CSMD1: variants seen among roughly 807,000 people sequenced by gnomAD.
CSMD1 encodes CUB and sushi domain-containing protein 1.
CSMD1 carries 213 observed loss-of-function variants against 417.5 expected under a neutral mutation model. That is an observed-to-expected ratio of 0.51 (90% CI 0.46 to 0.57). The LOEUF (loss-of-function observed/expected upper bound fraction) is 0.57. Ranked by LOEUF, CSMD1 falls within the 20% of genes least tolerant of loss-of-function variation. The pLI is 0.00. For synonymous variants in CSMD1, 2,862 were observed against 1,736.8 expected (o/e 1.65, Z -16.11); for missense variants, 6,923 against 4,529.7 (o/e 1.53, Z -15.17).
intron 3 of CSMD1, among the ~76,000 whole-genome samples, chr8:4,296,652 G>A (rs1396256258): frequency 6.8e-6 from 1 of 147,624 alleles, no homozygotes; most frequent in Non-Finnish European, 1.5e-5. Context: ...TAACTCGTAT[G>A]TGGAGGTCCC....
At chr8:4,031,838 TAA>T in intron 4 of CSMD1, 65 bp downstream of exon 4, 2 of 1,251,612 alleles carry the variant, frequency 1.6e-6, no homozygotes, top group Non-Finnish European at 2.2e-6. Context: ...GAAACTTTCA[TAA>T]AAGCATCTCC....
rs34337712 is a variant in CSMD1 at position 2,951,208 on chromosome 8, T to G, written c.10107A>C (p.Gln3369His). 1.2e-4 allele frequency: 194 copies of G among 1,606,616 alleles called. No individual in the cohort carries two copies. The Middle Eastern group carries it at 0.032, about 262-fold the overall frequency. ...KGYYEYLGKR[Q>H]PATLTVDWFN... ...ACCAGTCAACAGTTAGAGTGGCGGG[T>G]TGTCTTTTCCCTAAATATTCATAAT... Residue 3369 changes from glutamine to histidine, a missense_variant, in exon 66 of 70, where the codon CAA becomes CAC. Coordinates refer to ENST00000635120, the MANE Select transcript of CSMD1 (RefSeq NM_033225.6).
At chr8:3,298,978 C>G (rs17079800) in intron 25 of CSMD1, among the ~76,000 whole-genome samples, 5,719 of 152,174 alleles carry the variant, frequency 0.038, 225 homozygotes, top group Admixed American at 0.11. Context: ...CACAGAAAAA[C>G]AAACATGCAC....
Position 4,449,421 on chromosome 8 carries a change from TAGA to T in CSMD1, c.303-29359_303-29357del, listed in dbSNP as rs1382821484. ...TGTGGCTATGTTTAGAATAGCCGTG[TAGA>T]AGTTCATATTTTTCCCCAATTTTTG... is the stretch of plus-strand genomic sequence containing the variant. On this transcript the variant is annotated intron_variant, in intron 2 of 69. Transcript: ENST00000635120. Among the ~76,000 whole-genome samples the T allele has an allele frequency of 5.9e-5, 9 of 152,296 alleles. No individual in the cohort carries two copies. The East Asian group carries it at 1.5e-3, about 26-fold the overall frequency.
chr8:3,724,205 T>TTA (rs1554522453), intron 6 of CSMD1, among the ~76,000 whole-genome samples: 3 of 149,212 alleles, frequency 2.0e-5, no homozygotes, highest in African/African-American at 5.1e-5. Flanking sequence ...CTTTTTTTTT[T>TTA]TTATTATTAT....
At chr8:3,823,728 T>C (rs1288328991) in intron 5 of CSMD1, among the ~76,000 whole-genome samples, 1 of 152,116 alleles carries the variant, frequency 6.6e-6, no homozygotes, top group Non-Finnish European at 1.5e-5. Context: ...CAAATAACCT[T>C]TTTAACACAA....
intron 5 of CSMD1, among the ~76,000 whole-genome samples, chr8:3,887,544 T>C (rs1806648001): frequency 6.6e-6 from 1 of 152,180 alleles, no homozygotes; most frequent in African/African-American, 2.4e-5. Flanking sequence ...GACCTTAATC[T>C]CAACCAATTA....
At chr8:4,714,992 C>G (rs1387839585) in intron 1 of CSMD1, among the ~76,000 whole-genome samples, 1 of 152,172 alleles carries the variant, frequency 6.6e-6, no homozygotes, top group East Asian at 1.9e-4. Context: ...TTTATGCTCA[C>G]AGATGGCAAT....
chr8:3,256,091 G>T (rs916701551), intron 26 of CSMD1, among the ~76,000 whole-genome samples: 4 of 152,082 alleles, frequency 2.6e-5, no homozygotes, highest in African/African-American at 4.8e-5. Flanking sequence ...ACTTTGGGGG[G>T]CTGAGGCAGA....
intron 1 of CSMD1, among the ~76,000 whole-genome samples, chr8:4,639,487 A>G (rs1803064629): frequency 6.6e-6 from 1 of 152,200 alleles, no homozygotes; most frequent in Admixed American, 6.5e-5. Flanking sequence ...GTCTGAGGTT[A>G]GCTGTTAAGT....
At chr8:4,198,467 G>C (rs931051802) in intron 3 of CSMD1, among the ~76,000 whole-genome samples, 20 of 152,114 alleles carry the variant, frequency 1.3e-4, no homozygotes, top group Admixed American at 9.8e-4. Flanking sequence ...GGATTTGGGG[G>C]ATGAGAAAGA....
At chr8:3,751,701 A>G (rs1360428679) in intron 6 of CSMD1, among the ~76,000 whole-genome samples, 1 of 151,972 alleles carries the variant, frequency 6.6e-6, no homozygotes, top group Non-Finnish European at 1.5e-5. Context: ...CTGCCAACCA[A>G]TGAGTTTCTT....
intron 1 of CSMD1, among the ~76,000 whole-genome samples, chr8:4,844,374 T>A (rs1371072045): frequency 6.6e-6 from 1 of 152,128 alleles, no homozygotes; most frequent in South Asian, 2.1e-4. Context: ...ACTCATGCCC[T>A]TCCCATAGGA....
At chr8:3,369,823 G>C (rs954427344) in intron 18 of CSMD1, among the ~76,000 whole-genome samples, 1 of 152,208 alleles carries the variant, frequency 6.6e-6, no homozygotes, top group Non-Finnish European at 1.5e-5. Context: ...GCAACAATTA[G>C]GATGTCTGCA....
intron 3 of CSMD1, among the ~76,000 whole-genome samples, chr8:4,302,795 C>T (rs1798047666): frequency 6.6e-6 from 1 of 152,142 alleles, no homozygotes; most frequent in African/African-American, 2.4e-5. Context: ...GTCAGCCCCT[C>T]TACAAGCCAG....
intron 7 of CSMD1, among the ~76,000 whole-genome samples, chr8:3,695,729 G>T (rs560716615): frequency 6.6e-6 from 1 of 152,266 alleles, no homozygotes; most frequent in African/African-American, 2.4e-5. Context: ...TGGCTGGAAG[G>T]AAGGATGACA....
At chr8:4,131,377 A>C (rs142910010) in intron 3 of CSMD1, among the ~76,000 whole-genome samples, 3 of 152,206 alleles carry the variant, frequency 2.0e-5, no homozygotes, top group Non-Finnish European at 4.4e-5. Flanking sequence ...ATAATATTCT[A>C]ATCACATCCC....
At chr8:4,426,220 T>G (rs941988917) in intron 2 of CSMD1, among the ~76,000 whole-genome samples, 8 of 151,966 alleles carry the variant, frequency 5.3e-5, no homozygotes, top group Admixed American at 3.9e-4. Context: ...TTATCTATAG[T>G]TACCGGACAA....
intron 41 of CSMD1, among the ~76,000 whole-genome samples, chr8:3,132,576 G>T (rs901447672): frequency 2.6e-5 from 4 of 152,076 alleles, no homozygotes; most frequent in African/African-American, 9.7e-5. Flanking sequence ...TATGACTCTA[G>T]AAGACCAGAA....
Sources: gnomAD v4.1 joint callset for allele counts (sites outside exome capture counted in the v4.1 genomes callset) on GRCh38, gnomAD v4.1.1 for gene constraint, MANE v1.5 for transcripts, NCBI Gene and HGNC (gene_info 2026-07-23, HGNC 2026-07-21) for gene names.